Variants in PAG1 observed in about 807,000 individuals in gnomAD.
The protein encoded by PAG1 is phosphoprotein membrane anchor with glycosphingolipid microdomains 1, also known as phosphoprotein associated with glycosphingolipid-enriched microdomains 1.
A neutral mutation model predicts 31.7 loss-of-function variants in PAG1; 23 were observed. The ratio of observed to expected loss-of-function variants is 0.73; its 90% CI spans 0.52 to 1.03. The LOEUF (loss-of-function observed/expected upper bound fraction) is 1.03. Ranked by LOEUF, PAG1 falls within the 50% of genes least tolerant of loss-of-function variation. The pLI is 0.00. For missense variants in PAG1, 473 were observed against 540.7 expected, an observed-to-expected ratio of 0.87 and a Z score of 1.24; for synonymous variants, 214 against 210.3, an observed-to-expected ratio of 1.02 and a Z score of -0.15.
At chr8:81,005,040 C>T (rs981336587) in intron 3 of PAG1, among the ~76,000 whole-genome samples, 19 of 152,144 alleles carry the variant, frequency 1.2e-4, no homozygotes, top group African/African-American at 4.3e-4. Flanking sequence ...AGAAAATATT[C>T]ATGCAAGAGG....
In PAG1 at chr8:80,970,207, C is replaced by T. The variant is rs1269956892; in HGVS notation, c.*6337G>A. 1.3e-5 allele frequency: 2 copies of T among 152,258 alleles called. No individual in the cohort carries two copies. The highest frequency in any genetic ancestry group is 4.8e-5 in the African/African-American group (2 of 41,412). The allele number at this position is 152,258 out of a possible 1,614,324, so 9.4% of individuals were successfully genotyped here. On this transcript the variant is annotated 3_prime_UTR_variant, in exon 9 of 9. Transcript: ENST00000220597. ...CATTGCAACCTCTGCCTCCCAGGTT[C>T]AAGTGATTCTCCTGCCTCAGCCTCC...
chr8:81,055,514 G>A (rs1393322567), intron 2 of PAG1, among the ~76,000 whole-genome samples: 8 of 151,982 alleles, frequency 5.3e-5, no homozygotes, highest in Admixed American at 3.9e-4. Context: ...GTAGCTTGAT[G>A]GGGATGGCAT....
chr8:81,056,852 A>G (rs1260472430), intron 2 of PAG1, among the ~76,000 whole-genome samples: 5 of 152,202 alleles, frequency 3.3e-5, no homozygotes, highest in African/African-American at 1.2e-4. Flanking sequence ...GAATCTACAA[A>G]GAACTCAAAG....
In PAG1 at chr8:81,000,864, G is replaced by A. The variant is rs79744493; in HGVS notation, c.-80-7557C>T. On this transcript the variant is annotated intron_variant, in intron 3 of 8. Transcript: ENST00000220597. ...CGTAATATCAGTGTCTTCATCCCCC[G>A]CAGCAGGCCTGTCAACTCCAGTAAT... 3.6e-3 allele frequency among the ~76,000 whole-genome samples: 542 copies of A among 152,244 alleles called. 5 individuals carry two copies. The highest frequency in any genetic ancestry group is 0.012 in the African/African-American group (506 of 41,548).
intron 7 of PAG1, among the ~76,000 whole-genome samples, chr8:80,982,743 G>A (rs1270987937): frequency 3.3e-5 from 5 of 152,152 alleles, no homozygotes; most frequent in African/African-American, 1.2e-4. Context: ...TTCAGTTAAT[G>A]GCAATTCAAT....
At chr8:81,097,555 A>ACCT (rs976088801) in intron 1 of PAG1, among the ~76,000 whole-genome samples, 1 of 152,036 alleles carries the variant, frequency 6.6e-6, no homozygotes, top group African/African-American at 2.4e-5. Context: ...CTGGAGGAGG[A>ACCT]GGTGGGGGTA....
Position 80,985,212 on chromosome 8 carries a change from G to T in PAG1, c.440C>A (p.Thr147Lys). The part of the protein sequence containing the change: ...PPESAVDTML[T>K]ARSVDGDQGL... The stretch of plus-strand genomic sequence containing the variant: ...CTGGTCCCCGTCCACACTTCTCGCC[G>T]TGAGCATGGTATCCACTGCGCTCTC... The change falls in exon 7 of 9, where the codon ACG becomes AAG. Residue 147 changes from threonine to lysine, a missense_variant. Physicochemically the swap from Thr to Lys is moderately conservative, Grantham distance 78 (BLOSUM62 -1). Transcript: ENST00000220597. The T allele has an allele frequency of 6.2e-7, 1 of 1,614,022 alleles. No individual in the cohort carries two copies.
At chr8:81,061,578 G>A (rs569956670) in intron 2 of PAG1, among the ~76,000 whole-genome samples, 14 of 152,206 alleles carry the variant, frequency 9.2e-5, no homozygotes, top group Non-Finnish European at 4.4e-5. Flanking sequence ...GTCAGGCACA[G>A]GGGTAGGTCC....
intron 1 of PAG1, among the ~76,000 whole-genome samples, chr8:81,077,804 T>A (rs780080463): frequency 5.9e-5 from 9 of 152,208 alleles, no homozygotes; most frequent in Non-Finnish European, 1.2e-4. Context: ...TTAGATTGGT[T>A]AGAGACAAGG....
intron 3 of PAG1, among the ~76,000 whole-genome samples, chr8:81,003,168 G>A (rs1229709987): frequency 2.0e-5 from 3 of 152,198 alleles, no homozygotes; most frequent in African/African-American, 7.2e-5. Context: ...AAGCCCTGCA[G>A]GTGATCGTGA....
At chr8:81,047,282 A>G (rs1312837163) in intron 2 of PAG1, among the ~76,000 whole-genome samples, 1 of 152,192 alleles carries the variant, frequency 6.6e-6, no homozygotes, top group Non-Finnish European at 1.5e-5. Flanking sequence ...GTCTTCTACA[A>G]TGGTTGAACT....
chr8:81,104,598 T>C (rs1439164151), intron 1 of PAG1, among the ~76,000 whole-genome samples: 1 of 152,032 alleles, frequency 6.6e-6, no homozygotes, highest in Non-Finnish European at 1.5e-5. Flanking sequence ...CCTGTCATCT[T>C]CTCCTGCAAA....
chr8:81,020,694 C>T (rs943587388), intron 3 of PAG1, among the ~76,000 whole-genome samples: 5 of 152,110 alleles, frequency 3.3e-5, no homozygotes, highest in Non-Finnish European at 2.9e-5. Flanking sequence ...GACTAATACA[C>T]GTGGCAATAG....
rs745636824 is a variant in PAG1 at position 80,980,614 on chromosome 8, G to A, written c.877-120C>T. ...TTTCAAATGATTTTTATGGAACCAC[G>A]AAGAAATTATGGGAAGAGAAACACT... On this transcript the variant is annotated intron_variant, in intron 7 of 8. Coordinates refer to ENST00000220597, the MANE Select transcript of PAG1 (RefSeq NM_018440.4). The A allele has an allele frequency of 8.0e-5, 53 of 663,718 alleles. 1 individual carries two copies. The highest frequency in any genetic ancestry group is 6.3e-4 in the South Asian group (35 of 55,174). 41.1% of individuals were successfully genotyped at this position (663,718 alleles called of 1,614,324 possible).
chr8:80,998,032 A>G (rs1807715654), intron 3 of PAG1, among the ~76,000 whole-genome samples: 1 of 151,434 alleles, frequency 6.6e-6, no homozygotes, highest in Admixed American at 6.6e-5. Flanking sequence ...AAAGGTCCAT[A>G]CTCTCTTACC....
chr8:81,000,027 C>T (rs1807756651), intron 3 of PAG1, among the ~76,000 whole-genome samples: 1 of 152,200 alleles, frequency 6.6e-6, no homozygotes, highest in African/African-American at 2.4e-5. Context: ...GTACGTTCTA[C>T]ACTGACTGCA....
At position 80,984,994 on chromosome 8, in the gene PAG1, C is replaced by T. The variant is rs1264165304; in HGVS notation, c.658G>A (p.Gly220Ser). 1 of 1,614,036 alleles carries T rather than the reference C, an allele frequency of 6.2e-7. No individual in the cohort carries two copies. The highest frequency in any genetic ancestry group is 1.6e-4 in the Middle Eastern group (1 of 6,062). ...GCATATTCAGCAAACTCAGCTTTGC[C>T]TTCAGTCTGGGGCCCTGGGAGCTCT... ...SKELPGPQTE[G>S]KAEFAEYASV... The change falls in exon 7 of 9, where the codon GGC becomes AGC. Residue 220 changes from glycine (G) to serine (S), a missense_variant. By Grantham distance (56) the Gly-to-Ser change is moderately conservative. Coordinates refer to ENST00000220597, the MANE Select transcript of PAG1 (RefSeq NM_018440.4).
chr8:81,081,474 C>T lies in PAG1; in HGVS notation c.-233-11304G>A, dbSNP rs947511399. ...GGTAACTTCTTGCAACACTATATTACAACATTACAACTAAGGTAAACACAC... is the reference window on the plus strand; with the variant it reads ...GGTAACTTCTTGCAACACTATATTATAACATTACAACTAAGGTAAACACAC... On this transcript the variant is annotated intron_variant, in intron 1 of 8. Transcript: ENST00000220597. 4.6e-5 allele frequency among the ~76,000 whole-genome samples: 7 copies of T among 152,116 alleles called. No homozygotes were observed. In the South Asian group the frequency reaches 1.0e-3, roughly 23 times the overall value.
chr8:81,063,672 A>G (rs915231955), intron 2 of PAG1, among the ~76,000 whole-genome samples: 1 of 152,196 alleles, frequency 6.6e-6, no homozygotes, highest in Admixed American at 6.5e-5. Flanking sequence ...GTGTTTCACG[A>G]AAAGGTCATA....
Sources: gnomAD v4.1 joint callset for allele counts (sites outside exome capture counted in the v4.1 genomes callset) on GRCh38, gnomAD v4.1.1 for gene constraint, MANE v1.5 for transcripts, NCBI Gene and HGNC (gene_info 2026-07-23, HGNC 2026-07-21) for gene names.